Variants in SPRING1 observed in about 807,000 individuals in gnomAD.
SPRING1 encodes SREBP regulating gene protein.
A neutral mutation model predicts 24.7 loss-of-function variants in SPRING1; 14 were observed. The observed-to-expected ratio is 0.57, with a 90% CI of 0.37 to 0.88. The LOEUF is 0.88. SPRING1 is among the 40% of genes least tolerant of loss of function. The pLI, the probability that SPRING1 is intolerant of heterozygous loss-of-function variation, is 0.00. For synonymous variants in SPRING1, 93 were observed against 106.1 expected (o/e 0.88, Z 0.76); for missense variants, 255 against 268.4 (o/e 0.95, Z 0.35).
intron 1 of SPRING1, among the ~76,000 whole-genome samples, chr12:116,733,114 G>C (rs1871059470): frequency 6.6e-6 from 1 of 152,192 alleles, no homozygotes; most frequent in South Asian, 2.1e-4. Flanking sequence ...GAAGAAGGCA[G>C]GATGTGGAGG....
chr12:116,727,429 G>T (rs980624915), intron 1 of SPRING1, among the ~76,000 whole-genome samples: 1 of 152,198 alleles, frequency 6.6e-6, no homozygotes. Flanking sequence ...TTACTAATGC[G>T]TTGCTTTGTG....
Position 116,728,968 on chromosome 12 carries a change from A to G in SPRING1, c.112-5745T>C, listed in dbSNP as rs1870843277. 6.6e-6 allele frequency among the ~76,000 whole-genome samples: 1 copy of G among 152,230 alleles called. No homozygotes were observed. The highest frequency in any genetic ancestry group is 1.5e-5 in the Non-Finnish European group (1 of 68,046). ...ATGTGGGTTTATGTGAGTTATGGCT[A>G]TTGATGCTTACCATATTGAAAATTA... On this transcript the variant is annotated intron_variant, in intron 1 of 4. Transcript: ENST00000261318. The surrounding 1 kb of genome is among the most constrained non-coding windows in gnomAD (Gnocchi z 4.2).
At chr12:116,723,037 CGCCTGGA>C in intron 2 of SPRING1, 23 bp downstream of exon 2, 4 of 1,611,920 alleles carry the variant, frequency 2.5e-6, no homozygotes, top group Non-Finnish European at 3.4e-6. Context: ...CGCTCCTGAC[CGCCTGGA>C]GAGGAAGGGA....
In SPRING1 at chr12:116,716,293, A is replaced by G. The variant is rs927049774; in HGVS notation, c.*1517T>C. The G allele has an allele frequency of 2.0e-5, 3 of 152,226 alleles. No homozygotes were observed. Among genetic ancestry groups the G allele is most frequent in the African/African-American group, 7.2e-5 (3 of 41,450 alleles). The allele number at this position is 152,226 out of a possible 1,614,324, so 9.4% of individuals were successfully genotyped here. A position where few individuals can be genotyped will look rare whatever the true frequency, so the allele number is the denominator to read the frequency against. On this transcript the variant is annotated 3_prime_UTR_variant, in exon 5 of 5. Coordinates refer to ENST00000261318, the MANE Select transcript of SPRING1 (RefSeq NM_024738.4). Reference sequence around the variant, plus strand: ...GAGGTAGTAGGAGGAAGCTAAGGGAAATCACCACTACATATTGCAGGAATG... The same window carrying G: ...GAGGTAGTAGGAGGAAGCTAAGGGAGATCACCACTACATATTGCAGGAATG...
Position 116,711,006 on chromosome 12 carries a change from T to TAC in SPRING1, c.*6802_*6803dup, listed in dbSNP as rs57472288. 0.014 allele frequency: 2,027 copies of TAC among 146,026 alleles called. 31 individuals are homozygous for TAC. Among genetic ancestry groups the TAC allele is most frequent in the Middle Eastern group, 0.022 (6 of 278 alleles). The allele number at this position is 146,026 out of a possible 1,614,324, so 9.0% of individuals were successfully genotyped here. The stretch of plus-strand genomic sequence containing the variant: ...CTCACATACTTCATACTGCTTTTGT[T>TAC]ACACACACACACACACACACACGCA... On this transcript the variant is annotated 3_prime_UTR_variant, in exon 5 of 5. Transcript: ENST00000261318.
At chr12:116,722,372 C>T (rs1870476595) in intron 2 of SPRING1, among the ~76,000 whole-genome samples, 1 of 152,176 alleles carries the variant, frequency 6.6e-6, no homozygotes, top group South Asian at 2.1e-4. Context: ...CAACCCAGCA[C>T]TAAAACATTA....
chr12:116,719,550 A>C (rs889771009), intron 4 of SPRING1, among the ~76,000 whole-genome samples: 1 of 152,196 alleles, frequency 6.6e-6, no homozygotes, highest in African/African-American at 2.4e-5. Context: ...AGTTGATTAG[A>C]CCTTGATTTA....
chr12:116,718,828 C>G (rs1177944767), intron 4 of SPRING1, among the ~76,000 whole-genome samples: 4 of 152,212 alleles, frequency 2.6e-5, no homozygotes, highest in Admixed American at 2.6e-4. Flanking sequence ...AAGTGGAAAG[C>G]TCTTCAAGCA....
At chr12:116,722,544 A>G (rs887683941) in intron 2 of SPRING1, among the ~76,000 whole-genome samples, 4 of 152,152 alleles carry the variant, frequency 2.6e-5, no homozygotes, top group African/African-American at 9.7e-5. Flanking sequence ...AACCCACATT[A>G]TTTTCAATAT....
intron 1 of SPRING1, among the ~76,000 whole-genome samples, chr12:116,731,607 G>A (rs1870979436): frequency 6.6e-6 from 1 of 152,002 alleles, no homozygotes; most frequent in East Asian, 1.9e-4. Flanking sequence ...TTAATTAGCT[G>A]GGTGTGGTTG....
At position 116,720,651 on chromosome 12, in the gene SPRING1, C is replaced by A. The variant is rs1198361882; in HGVS notation, c.269-204G>T. Among the ~76,000 whole-genome samples the A allele has an allele frequency of 6.6e-6, 1 of 151,930 alleles. No homozygotes were observed. Among genetic ancestry groups the A allele is most frequent in the African/African-American group, 2.4e-5 (1 of 41,364 alleles). ...GTCGTTTCCAGGAAGCAGGCACTCC[C>A]CTGTTATCGCCAGGCTACACGTCGG... On this transcript the variant is annotated intron_variant, in intron 2 of 4. Transcript: ENST00000261318. This position sits in a 1 kb window ranked among gnomAD's most constrained non-coding sequence, Gnocchi z 4.0.
At position 116,715,467 on chromosome 12, in the gene SPRING1, A is replaced by T. The variant is rs1245876022; in HGVS notation, c.*2343T>A. On this transcript the variant is annotated 3_prime_UTR_variant, in exon 5 of 5. Transcript: ENST00000261318. ...AGGTGCTCTGCAGCCCAGCTTCATT[A>T]TGGAGGCTCAAGCGCTGTGAATTTC... The T allele has an allele frequency of 1.3e-5, 2 of 152,218 alleles. No homozygotes were observed. The highest frequency in any genetic ancestry group is 2.9e-5 in the Non-Finnish European group (2 of 68,062). 9.4% of individuals were successfully genotyped at this position (152,218 alleles called of 1,614,324 possible). A position where few individuals can be genotyped will look rare whatever the true frequency, so the allele number is the denominator to read the frequency against.
intron 4 of SPRING1, 94 bp downstream of exon 4, chr12:116,719,669 C>A: frequency 9.8e-7 from 1 of 1,024,124 alleles, no homozygotes; most frequent in Non-Finnish European, 1.5e-6. Context: ...TTCTCCCTTA[C>A]CACCCCACCA....
rs1009884098 is a variant in SPRING1 at position 116,712,939 on chromosome 12, C to G, written c.*4871G>C. ...GGTAATTTAATCAGCAGCACTTCAGCAGGGTAGAAAGCAAGGGCGGGGAAA... is the reference window on the plus strand; with the variant it reads ...GGTAATTTAATCAGCAGCACTTCAGGAGGGTAGAAAGCAAGGGCGGGGAAA... On this transcript the variant is annotated 3_prime_UTR_variant, in exon 5 of 5. Transcript: ENST00000261318. 1 of 152,676 alleles carries G rather than the reference C, an allele frequency of 6.5e-6. No homozygotes were observed. The allele number at this position is 152,676 out of a possible 1,614,324, so 9.5% of individuals were successfully genotyped here.
At position 116,710,410 on chromosome 12, in the gene SPRING1, T is replaced by C. The variant is rs768998059; in HGVS notation, c.*7400A>G. 24 of 152,356 alleles carry C rather than the reference T, an allele frequency of 1.6e-4. No homozygotes were observed. Among genetic ancestry groups the C allele is most frequent in the Admixed American group, 4.6e-4 (7 of 15,304 alleles). The allele number at this position is 152,356 out of a possible 1,614,324, so 9.4% of individuals were successfully genotyped here. Reference sequence around the variant, plus strand: ...GAAAACCTTTTACTGAGCTGAGCAATGCCTGTAGAAGCCCTGCTTAGTAGG... The same window carrying C: ...GAAAACCTTTTACTGAGCTGAGCAACGCCTGTAGAAGCCCTGCTTAGTAGG... On this transcript the variant is annotated 3_prime_UTR_variant, in exon 5 of 5. Coordinates refer to ENST00000261318, the MANE Select transcript of SPRING1 (RefSeq NM_024738.4).
chr12:116,737,680 G>A, intron 1 of SPRING1, 110 bp downstream of exon 1: 1 of 1,249,864 alleles, frequency 8.0e-7, no homozygotes, highest in Non-Finnish European at 1.1e-6. Context: ...TAGGAAGACA[G>A]GGAGGAAGGA....
At chr12:116,719,369 C>T (rs1679618792) in intron 4 of SPRING1, among the ~76,000 whole-genome samples, 1 of 152,146 alleles carries the variant, frequency 6.6e-6, no homozygotes, top group Non-Finnish European at 1.5e-5. Flanking sequence ...CATCCCAGAA[C>T]AAATTGCTAC....
intron 3 of SPRING1, 46 bp from the exon 4 acceptor site, chr12:116,719,922 C>A (rs372795724): frequency 6.6e-6 from 10 of 1,510,830 alleles, no homozygotes; most frequent in South Asian, 5.7e-5. Context: ...CCTAAGCCAG[C>A]ACAAGGTGAC....
In SPRING1 at chr12:116,711,021, A is replaced by ACACACG. The variant is rs1869848200; in HGVS notation, c.*6788_*6789insCGTGTG. On this transcript the variant is annotated 3_prime_UTR_variant, in exon 5 of 5. Transcript: ENST00000261318. ...CTGCTTTTGTTACACACACACACACACACACACGCACACACAGAGCCAATG... is the reference window on the plus strand; with the variant it reads ...CTGCTTTTGTTACACACACACACACACACACGCACACACGCACACACAGAGCCAATG... 8.0e-6 allele frequency: 1 copy of ACACACG among 125,710 alleles called. No homozygotes were observed. Among genetic ancestry groups the ACACACG allele is most frequent in the African/African-American group, 3.7e-5 (1 of 27,148 alleles). The allele number at this position is 125,710 out of a possible 1,614,324, so 7.8% of individuals were successfully genotyped here. A position where few individuals can be genotyped will look rare whatever the true frequency, so the allele number is the denominator to read the frequency against.
Sources: allele counts gnomAD v4.1 joint callset (sites outside exome capture counted in the v4.1 genomes callset), GRCh38; gene constraint gnomAD v4.1.1; non-coding constraint Gnocchi (gnomAD v3.1); transcripts MANE v1.5; gene names NCBI Gene and HGNC (gene_info 2026-07-23, HGNC 2026-07-21).